GTF2B: variants seen among roughly 807,000 people sequenced by gnomAD.
GTF2B encodes the protein general transcription factor IIB.
In GTF2B, 20 loss-of-function variants were observed where a neutral mutation model predicts 34.6. The ratio of observed to expected loss-of-function variants is 0.58; its 90% confidence interval spans 0.41 to 0.84. The LOEUF is 0.84. Ranked by LOEUF, GTF2B falls within the 40% of genes least tolerant of loss-of-function variation. GTF2B has a pLI of 0.00. For synonymous variants in GTF2B, 142 were observed against 132.4 expected, an observed-to-expected ratio of 1.07 and a Z score of -0.50; for missense variants, 237 against 393.3, an observed-to-expected ratio of 0.60 and a Z score of 3.36.
At chr1:88,868,836 T>C (rs532456580) in intron 2 of GTF2B, among the ~76,000 whole-genome samples, 112 of 152,054 alleles carry the variant, frequency 7.4e-4, no homozygotes, top group African/African-American at 2.6e-3. Context: ...CCTGGGTTCA[T>C]GCCATTCTAC....
At chr1:88,881,024 AAAAG>A (rs932963968) in intron 2 of GTF2B, among the ~76,000 whole-genome samples, 16 of 151,326 alleles carry the variant, frequency 1.1e-4, no homozygotes, top group Non-Finnish European at 2.1e-4. Context: ...AAAAAAAAAA[AAAAG>A]AACTAGTAAG....
intron 2 of GTF2B, among the ~76,000 whole-genome samples, chr1:88,882,908 A>G (rs1359542601): frequency 6.6e-6 from 1 of 152,256 alleles, no homozygotes; most frequent in African/African-American, 2.4e-5. Flanking sequence ...TTAACTGTAC[A>G]GTGAAAACAA....
intron 2 of GTF2B, among the ~76,000 whole-genome samples, chr1:88,874,880 A>G (rs80122849): frequency 0.018 from 2,716 of 152,194 alleles, 77 homozygotes; most frequent in African/African-American, 0.061. Context: ...TGAACGTATT[A>G]TTATTCAACG....
At position 88,891,126 on chromosome 1, in the gene GTF2B, G is replaced by GT. The variant is rs1415185506; in HGVS notation, c.17+356_17+357insA. Among the ~76,000 whole-genome samples the GT allele has an allele frequency of 8.4e-5, 12 of 142,470 alleles. 1 individual carries two copies. Among genetic ancestry groups the GT allele is most frequent in the African/African-American group, 3.1e-4 (12 of 38,376 alleles). 93.5% of individuals were successfully genotyped at this position (142,470 alleles called of 152,430 possible). ...CGTAGATGAAAAAAACAAGCGGGGG[G>GT]GGGGGCGCGGGGGAGGAGAGGAGGG... On this transcript the variant is annotated intron_variant, in intron 1 of 6. Transcript: ENST00000370500.
chr1:88,890,283 T>A (rs1674170572), intron 1 of GTF2B, among the ~76,000 whole-genome samples: 2 of 152,070 alleles, frequency 1.3e-5, no homozygotes, highest in African/African-American at 4.8e-5. Flanking sequence ...TGACTGAGCA[T>A]CCAATCCAAG....
intron 6 of GTF2B, among the ~76,000 whole-genome samples, chr1:88,854,183 C>A (rs1319286369): frequency 2.0e-5 from 3 of 152,198 alleles, no homozygotes; most frequent in Admixed American, 6.5e-5. Context: ...CCCTAGCTAA[C>A]TTCTGTTAAG....
intron 2 of GTF2B, among the ~76,000 whole-genome samples, chr1:88,885,148 T>C (rs888774732): frequency 6.6e-6 from 1 of 152,198 alleles, no homozygotes; most frequent in East Asian, 1.9e-4. Flanking sequence ...TAAAACTTTA[T>C]AGATACCAGG....
intron 2 of GTF2B, among the ~76,000 whole-genome samples, chr1:88,879,400 G>C (rs1026016340): frequency 3.3e-5 from 5 of 151,884 alleles, no homozygotes; most frequent in Admixed American, 3.3e-4. Flanking sequence ...CCGACATGGT[G>C]AAACCCCGTC....
intron 2 of GTF2B, among the ~76,000 whole-genome samples, chr1:88,874,493 TTAAA>T (rs1557658470): frequency 8.6e-6 from 1 of 115,996 alleles, no homozygotes; most frequent in African/African-American, 3.6e-5. Context: ...ACACAGCTAA[TTAAA>T]TTTTTTTTTT....
intron 2 of GTF2B, among the ~76,000 whole-genome samples, chr1:88,875,823 A>G (rs17130644): frequency 0.12 from 17,683 of 152,086 alleles, 2,483 homozygotes; most frequent in African/African-American, 0.34. Flanking sequence ...TATCACTCTC[A>G]GTGACCAACC....
chr1:88,856,044 C>T (rs992120161), intron 6 of GTF2B, among the ~76,000 whole-genome samples: 3 of 152,020 alleles, frequency 2.0e-5, no homozygotes, highest in South Asian at 4.2e-4. Flanking sequence ...TGGAGGCAGG[C>T]GAATCACATG....
At chr1:88,884,858 C>T (rs1188733562) in intron 2 of GTF2B, among the ~76,000 whole-genome samples, 2 of 152,120 alleles carry the variant, frequency 1.3e-5, no homozygotes, top group African/African-American at 4.8e-5. Context: ...CTCCACCATG[C>T]CTTAAAAGCA....
chr1:88,861,558 G>A lies in GTF2B; in HGVS notation c.259-1272C>T, dbSNP rs1388938529. 2.6e-5 allele frequency among the ~76,000 whole-genome samples: 4 copies of A among 152,326 alleles called. No homozygotes were observed. The East Asian group carries it at 7.7e-4, about 29-fold the overall frequency. Reference sequence around the variant, plus strand: ...ACATGCCTGCAATCCCAGCTGCTTGGGAGGCTGAGGCGGGAGAATCGCTTG... The same window carrying A: ...ACATGCCTGCAATCCCAGCTGCTTGAGAGGCTGAGGCGGGAGAATCGCTTG... On this transcript the variant is annotated intron_variant, in intron 3 of 6. Coordinates refer to ENST00000370500, the MANE Select transcript of GTF2B (RefSeq NM_001514.6).
chr1:88,870,302 G>C (rs574714548), intron 2 of GTF2B, among the ~76,000 whole-genome samples: 32 of 152,322 alleles, frequency 2.1e-4, no homozygotes, highest in African/African-American at 6.3e-4. Context: ...TAAGTGCACT[G>C]TCAAAATTCA....
chr1:88,889,160 G>A (rs1674140082), intron 1 of GTF2B, among the ~76,000 whole-genome samples: 2 of 152,192 alleles, frequency 1.3e-5, no homozygotes, highest in Admixed American at 6.5e-5. Context: ...TAGTAATTAT[G>A]GCTGATCCAG....
chr1:88,868,671 C>T (rs547848870), intron 2 of GTF2B, among the ~76,000 whole-genome samples: 3 of 152,090 alleles, frequency 2.0e-5, no homozygotes, highest in Non-Finnish European at 2.9e-5. Context: ...GGTTTAGTCA[C>T]TTTGGCACCT....
At position 88,862,587 on chromosome 1, in the gene GTF2B, C is replaced by G. The variant is rs373241941; in HGVS notation, c.258+1394G>C. On this transcript the variant is annotated intron_variant, in intron 3 of 6. Transcript: ENST00000370500. ...CAGGGTTCGGCATGGTAAACTCATGCCTGTAATCCCAGCACTTTGGGTGCC... is the reference window on the plus strand; with the variant it reads ...CAGGGTTCGGCATGGTAAACTCATGGCTGTAATCCCAGCACTTTGGGTGCC... Among the ~76,000 whole-genome samples, 4 of 152,246 alleles carry G rather than the reference C, an allele frequency of 2.6e-5. No homozygotes were observed. In the East Asian group the frequency reaches 7.7e-4, roughly 29 times the overall value.
At chr1:88,870,579 T>C (rs1673667984) in intron 2 of GTF2B, among the ~76,000 whole-genome samples, 1 of 152,198 alleles carries the variant, frequency 6.6e-6, no homozygotes, top group Admixed American at 6.5e-5. Flanking sequence ...CTAATTGCTA[T>C]ATTTTATATG....
At chr1:88,861,045 A>G (rs1673429220) in intron 3 of GTF2B, among the ~76,000 whole-genome samples, 1 of 152,244 alleles carries the variant, frequency 6.6e-6, no homozygotes. Context: ...ATCACTAAAA[A>G]ACAGCTGCTA....
Sources: gnomAD v4.1 joint callset for allele counts (sites outside exome capture counted in the v4.1 genomes callset) on GRCh38, gnomAD v4.1.1 for gene constraint, MANE v1.5 for transcripts, NCBI Gene and HGNC (gene_info 2026-07-23, HGNC 2026-07-21) for gene names.